The following MROH9 variants were observed in gnomAD, a reference collection of about 807,000 sequenced individuals.
MROH9 encodes the protein maestro heat like repeat family member 9.
Under a neutral mutation model 98.2 loss-of-function variants are expected in MROH9, and 92 were observed. The observed-to-expected ratio is 0.94, with a 90% CI of 0.79 to 1.11. The LOEUF (loss-of-function observed/expected upper bound fraction) is 1.11. Among genes scored for constraint, MROH9 ranks in the 50% most tolerant of loss-of-function variants. The pLI, the probability that MROH9 is intolerant of heterozygous loss-of-function variation, is 0.00. For synonymous variants in MROH9, 397 were observed against 368.9 expected (o/e 1.08, Z -0.87); for missense variants, 1,057 against 1,014.8 (o/e 1.04, Z -0.57).
intron 8 of MROH9, among the ~76,000 whole-genome samples, chr1:170,977,530 G>A (rs538406222): frequency 6.6e-6 from 1 of 152,290 alleles, no homozygotes; most frequent in African/African-American, 2.4e-5. Context: ...GTGTGATCTG[G>A]TCTGGTCAAT....
Position 171,064,345 on chromosome 1 carries a change from G to C in MROH9, c.*5G>C. 1 of 1,519,568 alleles carries C rather than the reference G, an allele frequency of 6.6e-7. No homozygotes were observed. Among genetic ancestry groups the C allele is most frequent in the Non-Finnish European group, 8.8e-7 (1 of 1,137,156 alleles). 94.1% of individuals were successfully genotyped at this position (1,519,568 alleles called of 1,614,324 possible). A position where few individuals can be genotyped will look rare whatever the true frequency, so the allele number is the denominator to read the frequency against. Reference sequence around the variant, plus strand: ...AAGAATGATAAGGCCTTATAGAAGAGAATGATGATGACATTCATCATTCAT... The same window carrying C: ...AAGAATGATAAGGCCTTATAGAAGACAATGATGATGACATTCATCATTCAT... On this transcript the variant is annotated 3_prime_UTR_variant, in exon 22 of 22. Transcript: ENST00000367759.
intron 2 of MROH9, among the ~76,000 whole-genome samples, chr1:170,946,313 G>A (rs1334673798): frequency 6.6e-6 from 1 of 151,624 alleles, no homozygotes; most frequent in Non-Finnish European, 1.5e-5. Context: ...CCAAATAGAG[G>A]TACATTTTAC....
chr1:170,966,258 A>C (rs1308751977), intron 7 of MROH9, among the ~76,000 whole-genome samples: 1 of 152,102 alleles, frequency 6.6e-6, no homozygotes, highest in East Asian at 1.9e-4. Flanking sequence ...GATGGAGAAC[A>C]AATAGGTATG....
At chr1:170,987,450 C>A (rs368004876) in intron 10 of MROH9, among the ~76,000 whole-genome samples, 2 of 152,186 alleles carry the variant, frequency 1.3e-5, no homozygotes, top group African/African-American at 4.8e-5. Context: ...GAAATAATGT[C>A]ATTAAATGTG....
At chr1:171,032,086 A>G (rs1571154207) in intron 20 of MROH9, among the ~76,000 whole-genome samples, 1 of 152,038 alleles carries the variant, frequency 6.6e-6, no homozygotes, top group African/African-American at 2.4e-5. Flanking sequence ...TGATAGCTGT[A>G]TATGTTTTAC....
intron 21 of MROH9, among the ~76,000 whole-genome samples, chr1:171,063,418 A>G (rs1163290347): frequency 6.6e-6 from 1 of 151,840 alleles, no homozygotes; most frequent in African/African-American, 2.4e-5. Context: ...ATGCCCGGCT[A>G]ATTTTTTGTA....
intron 9 of MROH9, among the ~76,000 whole-genome samples, chr1:170,984,229 A>G (rs1043852839): frequency 6.6e-6 from 1 of 152,184 alleles, no homozygotes; most frequent in Non-Finnish European, 1.5e-5. Context: ...AGGCTAGCTC[A>G]TCTCTTGGGG....
intron 20 of MROH9, among the ~76,000 whole-genome samples, chr1:171,052,549 G>C (rs987970377): frequency 6.6e-6 from 1 of 152,288 alleles, no homozygotes; most frequent in African/African-American, 2.4e-5. Flanking sequence ...TATCAAGTTG[G>C]CTGCACCAAG....
At chr1:170,971,185 T>C (rs1650444041) in intron 7 of MROH9, among the ~76,000 whole-genome samples, 1 of 152,130 alleles carries the variant, frequency 6.6e-6, no homozygotes, top group Admixed American at 6.5e-5. Flanking sequence ...GAAGAAGTTG[T>C]AGAAAGAAAT....
chr1:171,005,466 A>G (rs545935782), intron 15 of MROH9, among the ~76,000 whole-genome samples: 1 of 152,268 alleles, frequency 6.6e-6, no homozygotes, highest in South Asian at 2.1e-4. Flanking sequence ...TCAGCATTTT[A>G]TAGTTTTCAG....
intron 3 of MROH9, among the ~76,000 whole-genome samples, chr1:170,948,655 A>AT (rs2101874949): frequency 6.6e-6 from 1 of 152,136 alleles, no homozygotes; most frequent in East Asian, 1.9e-4. Flanking sequence ...AATGGGAGAG[A>AT]TTTTAAAAAA....
rs146696022 is a variant in MROH9, at chr1:170,989,627, G to C, written c.880-228G>C. ...CCAAAATAAACTTTTAAAGAAATGGGCATTTTCCCGCTATTCATAAATGCA... is the reference window on the plus strand; with the variant it reads ...CCAAAATAAACTTTTAAAGAAATGGCCATTTTCCCGCTATTCATAAATGCA... On this transcript the variant is annotated intron_variant, in intron 10 of 21. Coordinates refer to ENST00000367759, the MANE Select transcript of MROH9 (RefSeq NM_001163629.2). 9.2e-5 allele frequency among the ~76,000 whole-genome samples: 14 copies of C among 152,264 alleles called. No homozygotes were observed. In the East Asian group the frequency reaches 2.7e-3, roughly 29 times the overall value.
At chr1:170,940,209 T>A (rs1330117499) in intron 1 of MROH9, among the ~76,000 whole-genome samples, 2 of 152,186 alleles carry the variant, frequency 1.3e-5, no homozygotes, top group East Asian at 3.8e-4. Context: ...AGAAGGGATA[T>A]CTCAACATGC....
At position 170,996,500 on chromosome 1, in the gene MROH9, G is replaced by A. The variant is rs1443011644; in HGVS notation, c.1338-7G>A. The A allele has an allele frequency of 1.9e-6, 3 of 1,612,358 alleles. No individual in the cohort carries two copies. Among genetic ancestry groups the A allele is most frequent in the East Asian group, 2.2e-5 (1 of 44,806 alleles). On this transcript the variant is annotated splice_region_variant and splice_polypyrimidine_tract_variant and intron_variant, in intron 13 of 21. Transcript: ENST00000367759. Reference sequence around the variant, plus strand: ...TGTGATGACTTTGCTCTCTTTTGGGGCTTTAGGTATGCCCAGGATGCCCTG... The same window carrying A: ...TGTGATGACTTTGCTCTCTTTTGGGACTTTAGGTATGCCCAGGATGCCCTG...
intron 1 of MROH9, among the ~76,000 whole-genome samples, chr1:170,939,416 G>T (rs1304356245): frequency 6.6e-6 from 1 of 152,200 alleles, no homozygotes; most frequent in Non-Finnish European, 1.5e-5. Flanking sequence ...CCCAAAAGGG[G>T]GCTATAGGGA....
intron 20 of MROH9, among the ~76,000 whole-genome samples, chr1:171,053,845 A>C (rs1342700259): frequency 6.6e-6 from 1 of 152,318 alleles, no homozygotes; most frequent in Non-Finnish European, 1.5e-5. Flanking sequence ...AAAATACAAA[A>C]AGAGTGTAAG....
chr1:170,950,357 A>T (rs557212765), intron 3 of MROH9, among the ~76,000 whole-genome samples: 1 of 152,248 alleles, frequency 6.6e-6, no homozygotes, highest in South Asian at 2.1e-4. Flanking sequence ...GACTTAGAAT[A>T]GTCCATAAAG....
At chr1:170,999,731 CT>C (rs1221129805) in intron 15 of MROH9, among the ~76,000 whole-genome samples, 2 of 152,018 alleles carry the variant, frequency 1.3e-5, no homozygotes, top group African/African-American at 4.8e-5. Flanking sequence ...GGTAGTTCTA[CT>C]TTTAGTTCTT....
chr1:171,035,075 A>G (rs906994640), intron 20 of MROH9, among the ~76,000 whole-genome samples: 1 of 152,202 alleles, frequency 6.6e-6, no homozygotes, highest in Admixed American at 6.5e-5. Context: ...ATATTTAAAA[A>G]CTTTTAGAAG....
Sources: gnomAD v4.1 joint callset for allele counts (sites outside exome capture counted in the v4.1 genomes callset) on GRCh38, gnomAD v4.1.1 for gene constraint, MANE v1.5 for transcripts, NCBI Gene and HGNC (gene_info 2026-07-23, HGNC 2026-07-21) for gene names.